Variants in SHROOM3 observed in about 807,000 individuals in gnomAD.
The protein encoded by SHROOM3 is protein Shroom3.
In SHROOM3, 47 loss-of-function variants were observed where a neutral mutation model predicts 138.6. That is an observed-to-expected ratio of 0.34 (90% CI 0.27 to 0.43). The LOEUF is 0.43. SHROOM3 is among the 20% of genes least tolerant of loss of function. SHROOM3 has a pLI of 1.00. For synonymous variants in SHROOM3, 1,062 were observed against 1,063.3 expected, an observed-to-expected ratio of 1.00 and a Z score of 0.02; for missense variants, 2,491 against 2,596.5, an observed-to-expected ratio of 0.96 and a Z score of 0.88.
At chr4:76,503,681 G>A (rs545944525) in intron 1 of SHROOM3, among the ~76,000 whole-genome samples, 4 of 152,064 alleles carry the variant, frequency 2.6e-5, no homozygotes, top group Middle Eastern at 3.2e-3. Flanking sequence ...CACCTACCTC[G>A]GTCTCCCAAA....
chr4:76,622,890 A>T (rs547583819), intron 2 of SHROOM3, among the ~76,000 whole-genome samples: 45 of 152,190 alleles, frequency 3.0e-4, no homozygotes, highest in African/African-American at 1.0e-3. Flanking sequence ...GGGCCAGGTG[A>T]TCTTATCTCT....
chr4:76,645,504 C>G (rs1735794526), intron 2 of SHROOM3: 1 of 152,196 alleles, frequency 6.6e-6, no homozygotes. Flanking sequence ...CCCCACCCAG[C>G]ACAACACATG....
intron 2 of SHROOM3, among the ~76,000 whole-genome samples, chr4:76,565,900 G>A (rs903720679): frequency 9.9e-5 from 15 of 152,010 alleles, no homozygotes; most frequent in Admixed American, 2.6e-4. Context: ...AGGATCCCTT[G>A]AGTCCAGGTC....
chr4:76,738,082 C>T (rs193185438), intron 4 of SHROOM3, among the ~76,000 whole-genome samples: 76 of 152,170 alleles, frequency 5.0e-4, no homozygotes, highest in African/African-American at 1.8e-3. Flanking sequence ...CACCGAAGAG[C>T]CCCTGTGATT....
chr4:76,754,839 A>C lies in SHROOM3; in HGVS notation c.4356A>C (p.Ala1452=). 1.9e-6 allele frequency: 3 copies of C among 1,614,160 alleles called. No homozygotes were observed. Among genetic ancestry groups the C allele is most frequent in the Non-Finnish European group, 2.5e-6 (3 of 1,180,018 alleles). Reference sequence around the variant, plus strand: ...AGGAATCCTCAGCCCCTGATTTTGCAAACCTGAAGCACTATCAAAAACAGC... The same window carrying C: ...AGGAATCCTCAGCCCCTGATTTTGCCAACCTGAAGCACTATCAAAAACAGC... ...LPEESSAPDF[A]NLKHYQKQQS... The change falls in exon 7 of 11, where the codon GCA becomes GCC. Residue 1452 remains alanine (A), a synonymous_variant. Coordinates refer to ENST00000296043, the MANE Select transcript of SHROOM3 (RefSeq NM_020859.4).
intron 2 of SHROOM3, among the ~76,000 whole-genome samples, chr4:76,570,014 C>T (rs573610962): frequency 3.3e-5 from 5 of 152,272 alleles, no homozygotes; most frequent in East Asian, 1.9e-4. Flanking sequence ...TCTCTAGCAT[C>T]GTGCCTTTCC....
intron 1 of SHROOM3, among the ~76,000 whole-genome samples, chr4:76,536,567 T>A (rs1315005325): frequency 6.6e-6 from 1 of 152,190 alleles, no homozygotes; most frequent in African/African-American, 2.4e-5. Flanking sequence ...TTATACAAGA[T>A]CATAACTTTA....
rs1283908704 is a variant in SHROOM3, at chr4:76,739,772, C to G, written c.1599C>G (p.Pro533=). Residue 533 remains proline, a synonymous_variant, in exon 5 of 11, where the codon CCC becomes CCG. Transcript: ENST00000296043. The stretch of plus-strand genomic sequence containing the variant: ...GGCCTGGGTTTGCCTTCTGCCAGCC[C>G]TTAGAACATGACTTGCTGTCCCCAG... ...SGRPGFAFCQ[P]LEHDLLSPVE... is the part of the protein sequence containing the mutation. 9 of 1,614,084 alleles carry G rather than the reference C, an allele frequency of 5.6e-6. No homozygotes were observed. The highest frequency in any genetic ancestry group is 7.6e-6 in the Non-Finnish European group (9 of 1,180,048).
At chr4:76,650,527 T>G (rs1371349322) in intron 2 of SHROOM3, among the ~76,000 whole-genome samples, 1 of 31,918 alleles carries the variant, frequency 3.1e-5, no homozygotes, top group Non-Finnish European at 5.3e-5. Context: ...GTATATTTAT[T>G]TATTTATTTA....
chr4:76,606,237 C>T (rs1398814600), intron 2 of SHROOM3, among the ~76,000 whole-genome samples: 2 of 149,984 alleles, frequency 1.3e-5, no homozygotes, highest in Non-Finnish European at 3.0e-5. Flanking sequence ...TGGTCTCAAT[C>T]TCTTGACCTT....
intron 1 of SHROOM3, among the ~76,000 whole-genome samples, chr4:76,454,509 G>C (rs1229802489): frequency 6.6e-6 from 1 of 152,048 alleles, no homozygotes; most frequent in Non-Finnish European, 1.5e-5. Context: ...CTATTCTATT[G>C]TATTGGTCTA....
At chr4:76,647,310 C>A (rs2110086335) in intron 2 of SHROOM3, among the ~76,000 whole-genome samples, 1 of 152,126 alleles carries the variant, frequency 6.6e-6, no homozygotes, top group Middle Eastern at 3.4e-3. Flanking sequence ...TTAATGGGTA[C>A]AAACTTACAG....
At chr4:76,526,822 G>T (rs1732700011) in intron 1 of SHROOM3, among the ~76,000 whole-genome samples, 1 of 152,184 alleles carries the variant, frequency 6.6e-6, no homozygotes, top group African/African-American at 2.4e-5. Flanking sequence ...TTGTTTAGCT[G>T]CCAGCCCTGA....
chr4:76,583,310 C>T (rs1734087689), intron 2 of SHROOM3, among the ~76,000 whole-genome samples: 1 of 152,174 alleles, frequency 6.6e-6, no homozygotes, highest in African/African-American at 2.4e-5. Context: ...CCATGAGTGG[C>T]CACCCAACCA....
At chr4:76,492,243 G>T (rs765597082) in intron 1 of SHROOM3, among the ~76,000 whole-genome samples, 1 of 152,192 alleles carries the variant, frequency 6.6e-6, no homozygotes, top group Non-Finnish European at 1.5e-5. Context: ...GACATTTGCT[G>T]GTGTCTGCTG....
At chr4:76,665,198 T>C (rs1718659007) in intron 2 of SHROOM3, among the ~76,000 whole-genome samples, 1 of 152,196 alleles carries the variant, frequency 6.6e-6, no homozygotes, top group South Asian at 2.1e-4. Flanking sequence ...TTGAGTACAG[T>C]TAGCCTCTGC....
intron 1 of SHROOM3, among the ~76,000 whole-genome samples, chr4:76,551,119 C>T (rs911009577): frequency 6.6e-6 from 1 of 151,338 alleles, no homozygotes; most frequent in Non-Finnish European, 1.5e-5. Context: ...GATCCTCCCA[C>T]CTCAGCCTCC....
At chr4:76,622,367 G>A (rs1735024896) in intron 2 of SHROOM3, among the ~76,000 whole-genome samples, 1 of 151,964 alleles carries the variant, frequency 6.6e-6, no homozygotes, top group Non-Finnish European at 1.5e-5. Context: ...TTACTTGAAT[G>A]TCAATAAAAT....
chr4:76,720,151 G>GTTTTTTTT (rs59839066), intron 3 of SHROOM3, among the ~76,000 whole-genome samples: 5 of 83,018 alleles, frequency 6.0e-5, no homozygotes, highest in East Asian at 4.3e-4. Context: ...TGTTTTTTAG[G>GTTTTTTTT]TTTTTTTTTT....
Sources: allele counts gnomAD v4.1 joint callset (sites outside exome capture counted in the v4.1 genomes callset), GRCh38; gene constraint gnomAD v4.1.1; transcripts MANE v1.5; gene names NCBI Gene and HGNC (gene_info 2026-07-23, HGNC 2026-07-21).